The following CKAP5 variants were observed in gnomAD, a reference collection of about 807,000 sequenced individuals.
CKAP5 encodes the protein cytoskeleton-associated protein 5.
A neutral mutation model predicts 232.8 loss-of-function variants in CKAP5; 27 were observed. That is an observed-to-expected ratio of 0.12 (90% CI 0.09 to 0.16). CKAP5 has a LOEUF of 0.16. CKAP5 is among the 10% of genes least tolerant of loss of function. CKAP5 has a pLI of 1.00. For synonymous variants in CKAP5, 785 were observed against 841.1 expected (o/e 0.93, Z 1.16); for missense variants, 1,838 against 2,424.7 (o/e 0.76, Z 5.08).
At chr11:46,746,654 T>C (rs1170260946) in intron 42 of CKAP5, among the ~76,000 whole-genome samples, 1 of 152,204 alleles carries the variant, frequency 6.6e-6, no homozygotes, top group Non-Finnish European at 1.5e-5. Context: ...TATAGGACAT[T>C]TACCAGGAAT....
chr11:46,753,613 G>A (rs2065086880), intron 36 of CKAP5, 116 bp from the exon 37 acceptor site: 1 of 754,998 alleles, frequency 1.3e-6, no homozygotes, highest in Admixed American at 3.2e-5. Flanking sequence ...TTGAGACGGA[G>A]TCTCCTCTGT....
intron 4 of CKAP5, among the ~76,000 whole-genome samples, chr11:46,812,297 C>T (rs1160119792): frequency 6.6e-6 from 1 of 151,946 alleles, no homozygotes; most frequent in Non-Finnish European, 1.5e-5. Context: ...CGCCACTGCA[C>T]TCCATCCAGC....
chr11:46,751,327 A>G lies in CKAP5; in HGVS notation c.5322+19T>C. On this transcript the variant is annotated intron_variant, in intron 39 of 43. Coordinates refer to ENST00000529230, the MANE Select transcript of CKAP5 (RefSeq NM_001008938.4). Reference sequence around the variant, plus strand: ...TTTCTCTCAAGCTCCCTCAGAGACCAGTTGCGATTCTTACTCACCTTGGGC... The same window carrying G: ...TTTCTCTCAAGCTCCCTCAGAGACCGGTTGCGATTCTTACTCACCTTGGGC... The G allele has an allele frequency of 6.2e-7, 1 of 1,613,948 alleles. No homozygotes were observed. Among genetic ancestry groups the G allele is most frequent in the Admixed American group, 1.7e-5 (1 of 60,004 alleles).
chr11:46,820,098 G>T (rs1199699362), intron 2 of CKAP5, among the ~76,000 whole-genome samples: 2 of 151,974 alleles, frequency 1.3e-5, no homozygotes, highest in African/African-American at 4.8e-5. Context: ...TATATTGTCT[G>T]CCCCTTTCAG....
At position 46,780,297 on chromosome 11, in the gene CKAP5, G is replaced by C. The variant is rs775925015; in HGVS notation, c.2330C>G (p.Thr777Ser). 6.2e-7 allele frequency: 1 copy of C among 1,614,070 alleles called. No individual in the cohort carries two copies. Among genetic ancestry groups the C allele is most frequent in the Non-Finnish European group, 8.5e-7 (1 of 1,179,984 alleles). ...TNPAVRTAAI[T>S]LLGVMYLYVG... ...ATACAGATACATCACGCCAAGCAGG[G>C]TTATGGCAGCAGTCCTCACAGCCTG... The change falls in exon 20 of 44, where the codon ACC becomes AGC. Residue 777 changes from threonine (T) to serine (S), a missense_variant. Physicochemically the swap from Thr to Ser is moderately conservative, Grantham distance 58. Coordinates refer to ENST00000529230, the MANE Select transcript of CKAP5 (RefSeq NM_001008938.4).
intron 38 of CKAP5, among the ~76,000 whole-genome samples, chr11:46,752,180 A>T (rs992838041): frequency 2.0e-5 from 1 of 50,384 alleles, no homozygotes; most frequent in South Asian, 5.6e-4. Flanking sequence ...ATATATATAT[A>T]TATATATATA....
intron 18 of CKAP5, among the ~76,000 whole-genome samples, chr11:46,780,750 G>T (rs113227409): frequency 2.0e-5 from 3 of 152,182 alleles, no homozygotes; most frequent in Non-Finnish European, 4.4e-5. Flanking sequence ...GAGTAGCTGA[G>T]ATTACAGGTG....
In CKAP5 at chr11:46,761,984, C is replaced by G; in HGVS notation, c.4221+16G>C. ...CTTTTCACGACATGCTGACAGTGTTCAGAGAAGTCACTCACATTTCCAATC... is the reference window on the plus strand; with the variant it reads ...CTTTTCACGACATGCTGACAGTGTTGAGAGAAGTCACTCACATTTCCAATC... On this transcript the variant is annotated intron_variant, in intron 32 of 43. Coordinates refer to ENST00000529230, the MANE Select transcript of CKAP5 (RefSeq NM_001008938.4). 1 of 1,595,090 alleles carries G rather than the reference C, an allele frequency of 6.3e-7. No homozygotes were observed. The highest frequency in any genetic ancestry group is 1.1e-5 in the South Asian group (1 of 89,728).
At chr11:46,812,963 T>C (rs1939311134) in intron 4 of CKAP5, among the ~76,000 whole-genome samples, 1 of 151,986 alleles carries the variant, frequency 6.6e-6, no homozygotes, top group Non-Finnish European at 1.5e-5. Flanking sequence ...ATTATTATTA[T>C]TATTTTTGAG....
chr11:46,764,446 C>CATAT (rs2065185049), intron 28 of CKAP5, among the ~76,000 whole-genome samples: 1 of 152,094 alleles, frequency 6.6e-6, no homozygotes, highest in African/African-American at 2.4e-5. Context: ...GTGATACACA[C>CATAT]ATATATACAC....
chr11:46,760,628 T>TACTTGA lies in CKAP5; in HGVS notation c.4377_4378insTCAAGT (p.Asp1459_Met1460insSerSer). The TACTTGA allele has an allele frequency of 6.2e-7, 1 of 1,614,176 alleles. No individual in the cohort carries two copies. Among genetic ancestry groups the TACTTGA allele is most frequent in the Non-Finnish European group, 8.5e-7 (1 of 1,180,014 alleles). On this transcript the variant is annotated inframe_insertion, in exon 33 of 44. Transcript: ENST00000529230. The stretch of plus-strand genomic sequence containing the variant: ...TCTACATACTTGAGTTTGGAAGACA[T>TACTTGA]GTCCTCAGCTGGTCCCTTGCGTAAC...
intron 1 of CKAP5, among the ~76,000 whole-genome samples, chr11:46,841,453 A>C (rs1489800067): frequency 6.6e-6 from 1 of 152,184 alleles, no homozygotes; most frequent in Non-Finnish European, 1.5e-5. Flanking sequence ...TATTCTCAGA[A>C]TTGGCGTCAG....
At position 46,809,511 on chromosome 11, in the gene CKAP5, A is replaced by G; in HGVS notation, c.764-11T>C. Reference sequence around the variant, plus strand: ...CACCATCATCACCACCTTTAAGGAGAAAAACAACACAAACCTTAAAAATGC... The same window carrying G: ...CACCATCATCACCACCTTTAAGGAGGAAAACAACACAAACCTTAAAAATGC... On this transcript the variant is annotated splice_polypyrimidine_tract_variant and intron_variant, in intron 6 of 43. Transcript: ENST00000529230. 1.9e-6 allele frequency: 3 copies of G among 1,581,104 alleles called. No individual in the cohort carries two copies. The highest frequency in any genetic ancestry group is 2.6e-6 in the Non-Finnish European group (3 of 1,153,588).
Position 46,780,188 on chromosome 11 carries a change from T to C in CKAP5, c.2433+6A>G. On this transcript the variant is annotated splice_donor_region_variant and intron_variant, in intron 20 of 43. Transcript: ENST00000529230. ...TAACAGATTGTATCATTTGTGGAAA[T>C]TCTACCTTCTCAAATTCTGCATCTA... 1 of 1,613,974 alleles carries C rather than the reference T, an allele frequency of 6.2e-7. No homozygotes were observed. Among genetic ancestry groups the C allele is most frequent in the South Asian group, 1.1e-5 (1 of 91,080 alleles).
intron 32 of CKAP5, among the ~76,000 whole-genome samples, chr11:46,761,770 G>A (rs2065156841): frequency 6.6e-6 from 1 of 152,184 alleles, no homozygotes; most frequent in Non-Finnish European, 1.5e-5. Context: ...CATTTCTAAA[G>A]CAAATTTGCT....
intron 1 of CKAP5, among the ~76,000 whole-genome samples, chr11:46,831,556 T>C (rs1286410797): frequency 6.6e-6 from 1 of 152,158 alleles, no homozygotes; most frequent in Admixed American, 6.5e-5. Flanking sequence ...TGAGACAGGG[T>C]ATTGCTCCAT....
chr11:46,754,766 T>C (rs561229242), intron 36 of CKAP5, 122 bp downstream of exon 36: 51 of 753,088 alleles, frequency 6.8e-5, no homozygotes, highest in Non-Finnish European at 1.0e-4. Flanking sequence ...CTATATACAA[T>C]GCATGTAAAA....
chr11:46,794,550 G>A (rs1001821239), intron 13 of CKAP5, among the ~76,000 whole-genome samples: 4 of 152,138 alleles, frequency 2.6e-5, no homozygotes, highest in African/African-American at 9.7e-5. Context: ...ATGAAAAGAT[G>A]CTCAAGGCCA....
chr11:46,782,603 C>T (rs2065353801), intron 18 of CKAP5, among the ~76,000 whole-genome samples: 1 of 152,156 alleles, frequency 6.6e-6, no homozygotes, highest in Non-Finnish European at 1.5e-5. Context: ...AGTATAGCAG[C>T]TACATCATTC....
Sources: allele counts gnomAD v4.1 joint callset (sites outside exome capture counted in the v4.1 genomes callset), GRCh38; gene constraint gnomAD v4.1.1; transcripts MANE v1.5; gene names NCBI Gene and HGNC (gene_info 2026-07-23, HGNC 2026-07-21).